QTGAL: variants seen among roughly 807,000 people sequenced by gnomAD.
The protein encoded by QTGAL is BGnT-like protein 1.
chr17:83,042,897 G>C, the QTGAL span, among the ~76,000 whole-genome samples: 424 of 152,260 alleles, frequency 2.8e-3, 1 homozygote, highest in Non-Finnish European at 4.8e-3. Flanking sequence ...GTGCTGGCGT[G>C]GCTGTACTAA....
the QTGAL span, among the ~76,000 whole-genome samples, chr17:83,018,339 TCATGTACC>T: frequency 6.6e-6 from 1 of 152,256 alleles, no homozygotes; most frequent in Admixed American, 6.5e-5. Context: ...TGTGGCTGTA[TCATGTACC>T]ACACGTGCTC....
At chr17:82,965,626 C>G in the QTGAL span, 1 of 1,573,214 alleles carries the variant, frequency 6.4e-7, no homozygotes. Flanking sequence ...GGGGGAGGGA[C>G]CTGATTCCCG....
At chr17:83,043,144 G>T in the QTGAL span, among the ~76,000 whole-genome samples, 1 of 152,132 alleles carries the variant, frequency 6.6e-6, no homozygotes, top group Non-Finnish European at 1.5e-5. Flanking sequence ...AATAAACAGA[G>T]AACTTGAACA....
At chr17:82,954,010 C>A in the QTGAL span, among the ~76,000 whole-genome samples, 4 of 151,994 alleles carry the variant, frequency 2.6e-5, no homozygotes, top group East Asian at 7.7e-4. Context: ...AAAATAATAG[C>A]TATTTATGAC....
chr17:83,028,676 C>T, the QTGAL span, among the ~76,000 whole-genome samples: 16 of 152,246 alleles, frequency 1.1e-4, no homozygotes, highest in South Asian at 2.1e-4. Flanking sequence ...ACTCTGCTGA[C>T]GGGAAGGCAG....
chr17:82,992,444 C>T, the QTGAL span, among the ~76,000 whole-genome samples: 111 of 152,270 alleles, frequency 7.3e-4, no homozygotes, highest in Non-Finnish European at 1.4e-3. Flanking sequence ...AAAACTTTTA[C>T]ACTAGAATAG....
At chr17:82,944,546 A>ACCTC in the QTGAL span, 1 of 152,070 alleles carries the variant, frequency 6.6e-6, no homozygotes, top group Non-Finnish European at 1.5e-5. Flanking sequence ...TGTTCAGAAA[A>ACCTC]CCTCTCTGAA....
the QTGAL span, among the ~76,000 whole-genome samples, chr17:83,013,812 T>G: frequency 5.3e-5 from 8 of 152,170 alleles, no homozygotes; most frequent in Non-Finnish European, 7.3e-5. Context: ...AAAACCCAAG[T>G]GATCACCGCT....
chr17:83,034,177 T>C, the QTGAL span, among the ~76,000 whole-genome samples: 1 of 151,994 alleles, frequency 6.6e-6, no homozygotes, highest in Non-Finnish European at 1.5e-5. Flanking sequence ...TGACCTCAGG[T>C]GATCCATCTG....
At chr17:83,044,229 A>C in the QTGAL span, among the ~76,000 whole-genome samples, 1 of 152,240 alleles carries the variant, frequency 6.6e-6, no homozygotes, top group Non-Finnish European at 1.5e-5. Flanking sequence ...TATATGCAAA[A>C]ATCTTCAACA....
At chr17:82,945,380 G>A in the QTGAL span, 1 of 152,206 alleles carries the variant, frequency 6.6e-6, no homozygotes, top group African/African-American at 2.4e-5. Flanking sequence ...AGATACAGAA[G>A]CCTAACAGTC....
At chr17:82,959,596 C>A in the QTGAL span, among the ~76,000 whole-genome samples, 1 of 151,948 alleles carries the variant, frequency 6.6e-6, no homozygotes, top group Non-Finnish European at 1.5e-5. Context: ...TTGGGTGTCT[C>A]GGGGCGGGGG....
the QTGAL span, chr17:83,005,563 C>G: frequency 5.7e-6 from 4 of 702,510 alleles, no homozygotes; most frequent in Non-Finnish European, 7.8e-6. This position sits in a 1 kb window ranked among gnomAD's most constrained non-coding sequence, Gnocchi z 5.6. Flanking sequence ...TGAGTTATTT[C>G]TAAGAACTCA....
At chr17:82,945,556 C>T in the QTGAL span, 1 of 152,184 alleles carries the variant, frequency 6.6e-6, no homozygotes, top group East Asian at 1.9e-4. Context: ...ATTGTGCCCA[C>T]AGCATAACAT....
chr17:82,991,015 C>T, the QTGAL span, among the ~76,000 whole-genome samples: 130 of 152,286 alleles, frequency 8.5e-4, no homozygotes, highest in African/African-American at 2.9e-3. Flanking sequence ...GCCACCTAGC[C>T]TCTGGCATTT....
chr17:82,982,107 AGCGG>A, the QTGAL span, among the ~76,000 whole-genome samples: 133 of 142,980 alleles, frequency 9.3e-4, no homozygotes, highest in African/African-American at 3.2e-3. Context: ...TGATGGGCCA[AGCGG>A]GTGGAGGAGC....
At chr17:82,991,066 C>G in the QTGAL span, among the ~76,000 whole-genome samples, 1 of 152,096 alleles carries the variant, frequency 6.6e-6, no homozygotes, top group African/African-American at 2.4e-5. Context: ...TAATCCAGAT[C>G]GTAGATGAAA....
the QTGAL span, among the ~76,000 whole-genome samples, chr17:82,969,773 C>A: frequency 2.0e-5 from 3 of 151,930 alleles, no homozygotes; most frequent in Non-Finnish European, 4.4e-5. Context: ...TCAACCTCCC[C>A]GGCTCAAGCG....
chr17:82,962,783 AGAAGAGCCC>A, the QTGAL span, among the ~76,000 whole-genome samples: 1 of 152,234 alleles, frequency 6.6e-6, no homozygotes. Context: ...TCCTATCACC[AGAAGAGCCC>A]GACCCTTGGG....
Sources: allele counts gnomAD v4.1 joint callset (sites outside exome capture counted in the v4.1 genomes callset), GRCh38; gene constraint gnomAD v4.1.1; non-coding constraint Gnocchi (gnomAD v3.1); transcripts MANE v1.5; gene names NCBI Gene and HGNC (gene_info 2026-07-23, HGNC 2026-07-21).